The following SRP19 variants were observed in gnomAD, a reference collection of about 807,000 sequenced individuals.
SRP19 encodes signal recognition particle 19 kDa protein.
SRP19 carries 11 observed loss-of-function variants against 22.4 expected under a neutral mutation model. The observed-to-expected ratio is 0.49, with a 90% CI of 0.31 to 0.81. The LOEUF (loss-of-function observed/expected upper bound fraction) is 0.81, where lower values mean the gene tolerates loss of function less well. Among genes scored for constraint, SRP19 ranks in the 40% least tolerant of loss-of-function variants. The pLI is 0.05. For missense variants in SRP19, 168 were observed against 175.9 expected (o/e 0.96, Z 0.25); for synonymous variants, 61 against 57.6 (o/e 1.06, Z -0.27).
At chr5:112,883,295 A>G (rs1316905476) in intron 4 of SRP19, among the ~76,000 whole-genome samples, 3 of 152,214 alleles carry the variant, frequency 2.0e-5, no homozygotes, top group African/African-American at 7.2e-5. Flanking sequence ...ATCACTCCAC[A>G]AAATCTGTGT....
Position 112,892,966 on chromosome 5 carries a change from CAGAG to C in SRP19, c.*1360_*1363del, listed in dbSNP as rs751097434. 2.5e-6 allele frequency: 4 copies of C among 1,594,230 alleles called. No individual in the cohort carries two copies. In the Admixed American group the frequency reaches 6.9e-5, roughly 28 times the overall value. On this transcript the variant is annotated 3_prime_UTR_variant, in exon 5 of 5. Coordinates refer to the SRP19 transcript ENST00000391338. Reference sequence around the variant, plus strand: ...CAGCTGGGACCAGGGCCGCCGGAGCCAGAGCCGCAGGAGCCACCGCAGCCGGAGC... The same window carrying C: ...CAGCTGGGACCAGGGCCGCCGGAGCCCCGCAGGAGCCACCGCAGCCGGAGC...
downstream of SRP19, chr5:112,895,149 G>C (rs1229608919): frequency 1.4e-5 from 2 of 145,394 alleles, no homozygotes; most frequent in African/African-American, 5.1e-5. Flanking sequence ...TGAGGCAGGA[G>C]AATCACTGGA....
In SRP19 at chr5:112,867,811, A is replaced by G. The variant is rs1259452740; in HGVS notation, c.*274A>G. On this transcript the variant is annotated 3_prime_UTR_variant, in exon 5 of 5. Coordinates refer to ENST00000505459, the MANE Select transcript of SRP19 (RefSeq NM_003135.3). ...TAAATGGACAATGGACTGTACAATAAGTTACTTGAAATAAGTTGTTTCAGA... is the reference window on the plus strand; with the variant it reads ...TAAATGGACAATGGACTGTACAATAGGTTACTTGAAATAAGTTGTTTCAGA... The G allele has an allele frequency of 9.0e-7, 1 of 1,111,118 alleles. No individual in the cohort carries two copies. The highest frequency in any genetic ancestry group is 5.0e-5 in the East Asian group (1 of 20,130). The allele number at this position is 1,111,118 out of a possible 1,614,324, so 68.8% of individuals were successfully genotyped here.
chr5:112,891,551 A>T (rs1454114439), intron 4 of SRP19: 1 of 1,513,866 alleles, frequency 6.6e-7, no homozygotes, highest in East Asian at 2.5e-5. Flanking sequence ...ATTCATAAGT[A>T]GAATCACTGA....
intron 4 of SRP19, among the ~76,000 whole-genome samples, chr5:112,880,580 T>C (rs2150033391): frequency 6.6e-6 from 1 of 152,362 alleles, no homozygotes; most frequent in East Asian, 1.9e-4. Context: ...TAACCCTTTG[T>C]AGAAATTCCT....
At chr5:112,862,061 T>A (rs1404412446) in intron 1 of SRP19, among the ~76,000 whole-genome samples, 1 of 152,210 alleles carries the variant, frequency 6.6e-6, no homozygotes, top group African/African-American at 2.4e-5. Flanking sequence ...TGAGTGTAGT[T>A]GTCCAGGTTC....
chr5:112,863,505 G>T (rs1767482972), intron 2 of SRP19, among the ~76,000 whole-genome samples: 1 of 152,044 alleles, frequency 6.6e-6, no homozygotes, highest in Non-Finnish European at 1.5e-5. Context: ...CCATCCCCTA[G>T]TTGTGACAAT....
chr5:112,881,086 G>A (rs1253311211), intron 4 of SRP19, among the ~76,000 whole-genome samples: 1 of 127,198 alleles, frequency 7.9e-6, no homozygotes, highest in Non-Finnish European at 1.5e-5. Flanking sequence ...CTGAGATCAT[G>A]CTACTGCACT....
At chr5:112,870,369 C>T (rs563110745), downstream of SRP19, among the ~76,000 whole-genome samples, 1 of 152,134 alleles carries the variant, frequency 6.6e-6, no homozygotes, top group South Asian at 2.1e-4. Flanking sequence ...ATAGTCTTAG[C>T]TACTTGGGAG....
At chr5:112,891,641 T>C (rs752144605) in exon 5 of SRP19, 4 of 1,603,794 alleles carry the variant, frequency 2.5e-6, no homozygotes, top group South Asian at 1.1e-5. Context: ...GCTGGCAAGA[T>C]GGCTGCACTT....
intron 4 of SRP19, among the ~76,000 whole-genome samples, chr5:112,882,714 T>C (rs1166416385): frequency 6.6e-6 from 1 of 152,208 alleles, no homozygotes; most frequent in Non-Finnish European, 1.5e-5. Context: ...GAAGAGTAGC[T>C]GCAACAGAGA....
At chr5:112,892,658 C>T in exon 5 of SRP19, 1 of 1,613,898 alleles carries the variant, frequency 6.2e-7, no homozygotes, top group Non-Finnish European at 8.5e-7. Context: ...TTCAGAAATC[C>T]CAACAATGAA....
At chr5:112,896,575 G>C (rs1461513387), downstream of SRP19, 1 of 152,126 alleles carries the variant, frequency 6.6e-6, no homozygotes, top group African/African-American at 2.4e-5. Context: ...CTGTCAATGG[G>C]TGAAATAGCA....
chr5:112,894,368 GCCT>G (rs1768613107), downstream of SRP19: 1 of 152,154 alleles, frequency 6.6e-6, no homozygotes, highest in Non-Finnish European at 1.5e-5. Context: ...GCCCACCTTG[GCCT>G]CCTAATGTGC....
rs76817694 is a variant in SRP19, at chr5:112,888,559, G to A, written c.302-3044G>A. On this transcript the variant is annotated intron_variant, in intron 4 of 4. Coordinates refer to the SRP19 transcript ENST00000391338. The stretch of plus-strand genomic sequence containing the variant: ...CACAGCCTCCCAAGTAGCTGGGAAT[G>A]ACTGCAGGCATGAACCACCAGGCCT... Among the ~76,000 whole-genome samples, 987 of 142,280 alleles carry A rather than the reference G, an allele frequency of 6.9e-3. 33 individuals are homozygous for A. In the East Asian group the frequency reaches 0.13, roughly 19 times the overall value. 93.3% of individuals were successfully genotyped at this position (142,280 alleles called of 152,430 possible). A position where few individuals can be genotyped will look rare whatever the true frequency, so the allele number is the denominator to read the frequency against.
chr5:112,892,006 G>C (rs1156244331), exon 5 of SRP19: 1 of 1,288,844 alleles, frequency 7.8e-7, no homozygotes, highest in Non-Finnish European at 1.1e-6. Context: ...GCAGAGGAAA[G>C]AGAGAGAAGA....
At chr5:112,891,112 AC>A (rs1249913569) in intron 4 of SRP19, among the ~76,000 whole-genome samples, 1 of 143,742 alleles carries the variant, frequency 7.0e-6, no homozygotes, top group African/African-American at 2.8e-5. Flanking sequence ...TCACTCTGTC[AC>A]CCAGGCTGGA....
chr5:112,879,607 G>A (rs1768008264), intron 4 of SRP19, among the ~76,000 whole-genome samples: 1 of 152,020 alleles, frequency 6.6e-6, no homozygotes, highest in Non-Finnish European at 1.5e-5. Flanking sequence ...CCGAGTAGCT[G>A]GGACTACATG....
At chr5:112,895,740 CTCT>C (rs1561653160), downstream of SRP19, 1 of 152,228 alleles carries the variant, frequency 6.6e-6, no homozygotes, top group Non-Finnish European at 1.5e-5. Context: ...TTACAACCCT[CTCT>C]TCTTAATCTG....
Sources: allele counts gnomAD v4.1 joint callset (sites outside exome capture counted in the v4.1 genomes callset), GRCh38; gene constraint gnomAD v4.1.1; transcripts MANE v1.5; gene names NCBI Gene and HGNC (gene_info 2026-07-23, HGNC 2026-07-21).